Variants in PTPRN2 observed in about 807,000 individuals in gnomAD.
PTPRN2 encodes receptor-type tyrosine-protein phosphatase N2.
PTPRN2 carries 74 observed loss-of-function variants against 118.8 expected under a neutral mutation model. The observed-to-expected ratio is 0.62, with a 90% CI of 0.52 to 0.76. The LOEUF (loss-of-function observed/expected upper bound fraction) is 0.76, where lower values mean the gene tolerates loss of function less well. Among genes scored for constraint, PTPRN2 ranks in the 30% least tolerant of loss-of-function variants. The pLI is 0.00. For missense variants in PTPRN2, 1,481 were observed against 1,394.4 expected (o/e 1.06, Z -0.99); for synonymous variants, 641 against 608.0 (o/e 1.05, Z -0.80).
chr7:158,147,888 G>T (rs111908150), intron 6 of PTPRN2, among the ~76,000 whole-genome samples: 43 of 71,290 alleles, frequency 6.0e-4, no homozygotes, highest in South Asian at 3.9e-3. Flanking sequence ...CTCACGCCAC[G>T]TGTCTTTCCC....
intron 2 of PTPRN2, among the ~76,000 whole-genome samples, chr7:158,441,061 G>GTAGTGAT (rs1817052987): frequency 1.9e-5 from 1 of 51,974 alleles, no homozygotes; most frequent in Non-Finnish European, 4.5e-5. Flanking sequence ...GTAGTGATGG[G>GTAGTGAT]GGTGGTAGTG....
rs1300288420 is a variant in PTPRN2, at chr7:157,831,644, C to T, written c.1788+67029G>A. 6.6e-6 allele frequency among the ~76,000 whole-genome samples: 1 copy of T among 152,136 alleles called. No homozygotes were observed. Among genetic ancestry groups the T allele is most frequent in the African/African-American group, 2.4e-5 (1 of 41,442 alleles). ...CAGAACGAGCAGGAAGACATCCAAC[C>T]CTTATTGGGAGTCTACACAGGTGTT... On this transcript the variant is annotated intron_variant, in intron 12 of 22. Transcript: ENST00000389418. This position sits in a 1 kb window ranked among gnomAD's most constrained non-coding sequence, Gnocchi z 4.8.
chr7:158,103,056 C>A (rs1815372881), intron 10 of PTPRN2, among the ~76,000 whole-genome samples: 1 of 152,178 alleles, frequency 6.6e-6, no homozygotes, highest in Non-Finnish European at 1.5e-5. Flanking sequence ...GCCTGGGTGT[C>A]CAGACATGCA....
chr7:158,155,730 CCATCATCACCAT>C (rs1425745362), intron 6 of PTPRN2, among the ~76,000 whole-genome samples: 1 of 48,688 alleles, frequency 2.1e-5, no homozygotes, highest in African/African-American at 1.3e-4. Flanking sequence ...ATCACCATCA[CCATCATCACCAT>C]CATCACCATC....
In PTPRN2 at chr7:157,764,209, C is replaced by T. The variant is rs1165030313; in HGVS notation, c.1789-81272G>A. On this transcript the variant is annotated intron_variant, in intron 12 of 22. Transcript: ENST00000389418. This position sits in a 1 kb window ranked among gnomAD's most constrained non-coding sequence, Gnocchi z 4.5. ...AACTAACCACAGAATCAGCCCAGGA[C>T]CCAGCAGTTCCACCAGGGGCATATG... is the stretch of plus-strand genomic sequence containing the variant. Among the ~76,000 whole-genome samples the T allele has an allele frequency of 1.3e-5, 2 of 152,204 alleles. No homozygotes were observed. The highest frequency in any genetic ancestry group is 4.8e-5 in the African/African-American group (2 of 41,434).
At chr7:158,041,093 G>A (rs893724556) in intron 11 of PTPRN2, among the ~76,000 whole-genome samples, 4 of 152,080 alleles carry the variant, frequency 2.6e-5, no homozygotes, top group Admixed American at 6.5e-5. Context: ...ACACAGGTCC[G>A]ACACTCGGAT....
chr7:157,710,688 G>A (rs895581733), intron 12 of PTPRN2, among the ~76,000 whole-genome samples: 5 of 152,170 alleles, frequency 3.3e-5, no homozygotes, highest in Non-Finnish European at 1.5e-5. Context: ...CCATCTGTAC[G>A]CCCACCATGG....
intron 2 of PTPRN2, among the ~76,000 whole-genome samples, chr7:158,317,746 T>C (rs1463675731): frequency 2.0e-5 from 3 of 152,166 alleles, no homozygotes; most frequent in African/African-American, 7.2e-5. Flanking sequence ...GTCTCTTTTA[T>C]TGTTCACTAG....
chr7:158,224,518 T>C (rs1037455492), intron 3 of PTPRN2, among the ~76,000 whole-genome samples: 2 of 152,198 alleles, frequency 1.3e-5, no homozygotes, highest in Non-Finnish European at 2.9e-5. Flanking sequence ...CAAATGGTCC[T>C]GGAGTGATTG....
intron 16 of PTPRN2, among the ~76,000 whole-genome samples, chr7:157,602,468 G>A (rs1343347580): frequency 6.6e-6 from 1 of 151,376 alleles, no homozygotes; most frequent in African/African-American, 2.4e-5. Context: ...AGAGCCGAGA[G>A]CTGAGCACCG....
chr7:158,077,135 G>A (rs557211672), intron 11 of PTPRN2, among the ~76,000 whole-genome samples: 108 of 152,330 alleles, frequency 7.1e-4, no homozygotes, highest in Middle Eastern at 6.8e-3. Flanking sequence ...AGAACGCTGC[G>A]GGCTATGGGG....
chr7:158,477,388 A>C (rs984508208), intron 2 of PTPRN2, among the ~76,000 whole-genome samples: 5 of 152,246 alleles, frequency 3.3e-5, no homozygotes, highest in African/African-American at 1.2e-4. Flanking sequence ...GTTACCTCCG[A>C]GTGGGAGTGA....
intron 2 of PTPRN2, among the ~76,000 whole-genome samples, chr7:158,367,661 G>A (rs1809642807): frequency 6.6e-6 from 1 of 152,166 alleles, no homozygotes; most frequent in Non-Finnish European, 1.5e-5. Flanking sequence ...GCCCCAAGAA[G>A]TCTGGGATAA....
intron 15 of PTPRN2, chr7:157,614,139 A>G (rs541759554): frequency 2.2e-6 from 1 of 464,378 alleles, no homozygotes; most frequent in Non-Finnish European, 4.5e-6. Context: ...AGGAGGGGGA[A>G]GACAGGGGAG....
At chr7:158,434,304 A>G (rs1816424253) in intron 2 of PTPRN2, among the ~76,000 whole-genome samples, 1 of 152,206 alleles carries the variant, frequency 6.6e-6, no homozygotes, top group Non-Finnish European at 1.5e-5. Flanking sequence ...AAAAATGTGC[A>G]TTATTCTCTC....
chr7:157,683,698 A>C (rs544227921), intron 12 of PTPRN2, among the ~76,000 whole-genome samples: 1 of 152,298 alleles, frequency 6.6e-6, no homozygotes, highest in East Asian at 1.9e-4. Flanking sequence ...TGGTGAAAAT[A>C]TGAGAAAGCC....
At chr7:158,349,963 G>A (rs1054509621) in intron 2 of PTPRN2, among the ~76,000 whole-genome samples, 4 of 152,128 alleles carry the variant, frequency 2.6e-5, no homozygotes, top group South Asian at 2.1e-4. Flanking sequence ...CGTTACTAGC[G>A]CTCACGTGTT....
At chr7:157,959,129 A>G (rs1410290288) in intron 11 of PTPRN2, among the ~76,000 whole-genome samples, 8 of 152,230 alleles carry the variant, frequency 5.3e-5, no homozygotes, top group Non-Finnish European at 1.2e-4. Flanking sequence ...TCAATGAGGA[A>G]AAGAATAGGC....
intron 13 of PTPRN2, among the ~76,000 whole-genome samples, chr7:157,657,591 AC>A (rs1795621973): frequency 1.4e-5 from 1 of 72,814 alleles, no homozygotes; most frequent in Non-Finnish European, 3.3e-5. Context: ...ACACACATAC[AC>A]CACACACACA....
Sources: gnomAD v4.1 joint callset for allele counts (sites outside exome capture counted in the v4.1 genomes callset) on GRCh38, gnomAD v4.1.1 for gene constraint, Gnocchi (gnomAD v3.1) non-coding constraint, MANE v1.5 for transcripts, NCBI Gene and HGNC (gene_info 2026-07-23, HGNC 2026-07-21) for gene names.